Variants in SFMBT2 observed in about 807,000 individuals in gnomAD.
SFMBT2 encodes scm-like with four MBT domains protein 2.
SFMBT2 carries 38 observed loss-of-function variants against 110.1 expected under a neutral mutation model. The observed-to-expected ratio is 0.35, with a 90% confidence interval of 0.27 to 0.45. The LOEUF (loss-of-function observed/expected upper bound fraction) is 0.45. SFMBT2 is among the 20% of genes least tolerant of loss of function. The pLI is 1.00. For synonymous variants in SFMBT2, 425 were observed against 425.4 expected (o/e 1.00, Z 0.01); for missense variants, 1,011 against 1,094.9 (o/e 0.92, Z 1.08).
chr10:7,186,704 C>T (rs1207728138), intron 16 of SFMBT2, among the ~76,000 whole-genome samples: 1 of 152,076 alleles, frequency 6.6e-6, no homozygotes, highest in Admixed American at 6.5e-5. Context: ...GGGAAGATGC[C>T]AGCTCTCTCT....
chr10:7,165,415 T>C (rs1423621282), intron 20 of SFMBT2, among the ~76,000 whole-genome samples: 1 of 152,230 alleles, frequency 6.6e-6, no homozygotes, highest in Non-Finnish European at 1.5e-5. Flanking sequence ...AATGGTAGCC[T>C]TGAGCAGACT....
At chr10:7,288,308 T>A (rs903662703) in intron 4 of SFMBT2, among the ~76,000 whole-genome samples, 1 of 152,228 alleles carries the variant, frequency 6.6e-6, no homozygotes, top group Non-Finnish European at 1.5e-5. Context: ...TTACCTTATA[T>A]GGCAACGTCC....
chr10:7,287,467 T>G, intron 4 of SFMBT2: 1 of 243,484 alleles, frequency 4.1e-6, no homozygotes, highest in Non-Finnish European at 6.6e-6. Context: ...AGCATATCTC[T>G]TTGGCATGTC....
chr10:7,223,942 G>C (rs138146713), intron 10 of SFMBT2, among the ~76,000 whole-genome samples: 2 of 152,284 alleles, frequency 1.3e-5, no homozygotes, highest in East Asian at 1.9e-4. Flanking sequence ...ATCACACTTA[G>C]TTACAATAGG....
intron 4 of SFMBT2, among the ~76,000 whole-genome samples, chr10:7,313,730 C>T (rs1019892694): frequency 8.5e-5 from 13 of 152,112 alleles, no homozygotes; most frequent in African/African-American, 2.7e-4. Context: ...GTGATCCTCT[C>T]GCCTTGGCTC....
chr10:7,278,157 TTTC>T (rs1324385917), intron 6 of SFMBT2, among the ~76,000 whole-genome samples: 1 of 152,246 alleles, frequency 6.6e-6, no homozygotes. Flanking sequence ...GCTGAACTTT[TTTC>T]TTCTAGTTTG....
intron 7 of SFMBT2, among the ~76,000 whole-genome samples, chr10:7,269,716 G>A (rs1483306378): frequency 1.1e-3 from 2 of 1,742 alleles, no homozygotes; most frequent in African/African-American, 3.0e-3. Context: ...AAGTGTGTGC[G>A]TGTGTGTGTG....
chr10:7,394,522 C>T (rs1845869802), intron 1 of SFMBT2, among the ~76,000 whole-genome samples: 1 of 147,576 alleles, frequency 6.8e-6, no homozygotes, highest in Admixed American at 6.9e-5. Context: ...CCCCCAACAA[C>T]TCCCCGACAC....
intron 7 of SFMBT2, chr10:7,264,293 G>C (rs1487557340): frequency 9.4e-6 from 2 of 213,848 alleles, no homozygotes; most frequent in Non-Finnish European, 1.6e-5. Flanking sequence ...TGCCGTGACT[G>C]CTAGTCCTTT....
At chr10:7,401,580 C>T (rs1343828503) in intron 1 of SFMBT2, among the ~76,000 whole-genome samples, 2 of 152,302 alleles carry the variant, frequency 1.3e-5, no homozygotes, top group South Asian at 2.1e-4. Context: ...AGAAAGTAAA[C>T]GTTGCCCTCT....
At chr10:7,384,807 T>C (rs1037259146) in intron 1 of SFMBT2, among the ~76,000 whole-genome samples, 6 of 152,204 alleles carry the variant, frequency 3.9e-5, no homozygotes, top group African/African-American at 1.4e-4. Flanking sequence ...CCTTCCAGAT[T>C]CCTGTGATGA....
At chr10:7,410,449 A>G (rs1353941406) in intron 1 of SFMBT2, among the ~76,000 whole-genome samples, 1 of 152,232 alleles carries the variant, frequency 6.6e-6, no homozygotes, top group African/African-American at 2.4e-5. Flanking sequence ...ATGAGTGCAG[A>G]AACGAGGAAG....
At chr10:7,356,570 G>A (rs1396673800) in intron 4 of SFMBT2, among the ~76,000 whole-genome samples, 2 of 152,080 alleles carry the variant, frequency 1.3e-5, no homozygotes, top group Non-Finnish European at 2.9e-5. Context: ...GTGCCACCAC[G>A]CCTGGCTAAT....
intron 4 of SFMBT2, among the ~76,000 whole-genome samples, chr10:7,291,171 C>T (rs1842251428): frequency 6.6e-6 from 1 of 152,218 alleles, no homozygotes; most frequent in African/African-American, 2.4e-5. Flanking sequence ...CTGCTGAGAC[C>T]AGCTGCCCCA....
intron 7 of SFMBT2, among the ~76,000 whole-genome samples, chr10:7,275,085 C>G (rs999931520): frequency 2.6e-5 from 4 of 152,178 alleles, no homozygotes; most frequent in African/African-American, 9.7e-5. Context: ...AAGAGAGGCA[C>G]AGGCAGGACC....
chr10:7,310,637 T>G (rs934946490), intron 4 of SFMBT2, among the ~76,000 whole-genome samples: 3 of 152,256 alleles, frequency 2.0e-5, no homozygotes, highest in African/African-American at 7.2e-5. Flanking sequence ...TAAATGGATC[T>G]TCTTCAGAAT....
chr10:7,249,485 T>A, intron 7 of SFMBT2: 1 of 981,054 alleles, frequency 1.0e-6, no homozygotes, highest in Non-Finnish European at 1.2e-6. Context: ...AATGAATGTA[T>A]TTGCAGTCTG....
chr10:7,388,077 GGCATCAC>G (rs1564471083), intron 1 of SFMBT2, among the ~76,000 whole-genome samples: 1 of 152,102 alleles, frequency 6.6e-6, no homozygotes. Context: ...TGGAGCAAGC[GGCATCAC>G]GCCCATTCAT....
chr10:7,356,208 G>A (rs1170606049), intron 4 of SFMBT2, among the ~76,000 whole-genome samples: 2 of 152,162 alleles, frequency 1.3e-5, no homozygotes, highest in East Asian at 1.9e-4. Flanking sequence ...GATTCTCTGC[G>A]TTCTCTAAAA....
Sources: allele counts gnomAD v4.1 joint callset (sites outside exome capture counted in the v4.1 genomes callset), GRCh38; gene constraint gnomAD v4.1.1; transcripts MANE v1.5; gene names NCBI Gene and HGNC (gene_info 2026-07-23, HGNC 2026-07-21).